PRICKLE2: variants seen among roughly 807,000 people sequenced by gnomAD.
The protein encoded by PRICKLE2 is prickle planar cell polarity protein 2.
A neutral mutation model predicts 81.4 loss-of-function variants in PRICKLE2; 21 were observed. That is an observed-to-expected ratio of 0.26 (90% CI 0.18 to 0.37). PRICKLE2 has a LOEUF of 0.37. Among genes scored for constraint, PRICKLE2 ranks in the 10% least tolerant of loss-of-function variants. PRICKLE2 has a pLI of 1.00. For missense variants in PRICKLE2, 940 were observed against 1,109.0 expected (o/e 0.85, Z 2.16); for synonymous variants, 456 against 421.5 (o/e 1.08, Z -1.00).
chr3:64,180,311 C>T (rs141871317), intron 2 of PRICKLE2, among the ~76,000 whole-genome samples: 16 of 152,212 alleles, frequency 1.1e-4, no homozygotes, highest in African/African-American at 3.4e-4. Flanking sequence ...ATTTATTTTG[C>T]GGTAAAATAT....
At chr3:64,248,060 A>G (rs1410083798) in intron 2 of PRICKLE2, among the ~76,000 whole-genome samples, 1 of 152,310 alleles carries the variant, frequency 6.6e-6, no homozygotes, top group East Asian at 1.9e-4. Context: ...CTGAAACTTC[A>G]CTCACTGAAA....
At chr3:64,220,991 A>G (rs2078943522) in intron 1 of PRICKLE2, among the ~76,000 whole-genome samples, 1 of 152,102 alleles carries the variant, frequency 6.6e-6, no homozygotes, top group South Asian at 2.1e-4. Context: ...AGTCATAAGG[A>G]GGGTTTTCGG....
chr3:64,111,760 G>A (rs529862005), intron 7 of PRICKLE2, among the ~76,000 whole-genome samples: 3 of 152,284 alleles, frequency 2.0e-5, no homozygotes, highest in African/African-American at 7.2e-5. Context: ...CTTTGGAGAG[G>A]AAGGAAGAGC....
intron 7 of PRICKLE2, among the ~76,000 whole-genome samples, chr3:64,137,972 G>C (rs1335511878): frequency 6.6e-6 from 1 of 152,058 alleles, no homozygotes. Flanking sequence ...AAACCCCTAC[G>C]TTAAAATCAC....
intron 2 of PRICKLE2, among the ~76,000 whole-genome samples, chr3:64,194,774 G>C (rs116347101): frequency 0.015 from 2,323 of 152,268 alleles, 53 homozygotes; most frequent in African/African-American, 0.051. Context: ...AATGTCTTCA[G>C]ACCAGGCGTG....
intron 2 of PRICKLE2, 153 bp from the exon 3 acceptor site, chr3:64,163,282 T>C (rs2077764332): frequency 1.4e-6 from 1 of 689,876 alleles, no homozygotes; most frequent in South Asian, 1.5e-5. Flanking sequence ...TTTCCTATGG[T>C]AAGCAGAGAA....
intron 2 of PRICKLE2, among the ~76,000 whole-genome samples, chr3:64,232,717 T>C (rs1024796819): frequency 6.6e-6 from 1 of 152,142 alleles, no homozygotes; most frequent in Non-Finnish European, 1.5e-5. Flanking sequence ...TTTTCCATGA[T>C]CTCAAGACCA....
chr3:64,245,540 C>T (rs1241382336), intron 2 of PRICKLE2, among the ~76,000 whole-genome samples: 2 of 152,168 alleles, frequency 1.3e-5, no homozygotes, highest in African/African-American at 4.8e-5. Context: ...AAAATGATAA[C>T]CTTGAAGAGG....
chr3:64,256,237 A>C (rs535584874), intron 2 of PRICKLE2, among the ~76,000 whole-genome samples: 1 of 152,336 alleles, frequency 6.6e-6, no homozygotes, highest in African/African-American at 2.4e-5. Context: ...AGGAGCTAAG[A>C]GTGATTTTTA....
chr3:64,144,731 T>C (rs972405580), intron 7 of PRICKLE2, among the ~76,000 whole-genome samples: 1 of 152,214 alleles, frequency 6.6e-6, no homozygotes, highest in Non-Finnish European at 1.5e-5. Context: ...TGGACCGACA[T>C]ATGGCCCTGC....
intron 7 of PRICKLE2, among the ~76,000 whole-genome samples, chr3:64,109,583 G>A (rs1284868674): frequency 2.0e-5 from 3 of 152,126 alleles, no homozygotes; most frequent in East Asian, 1.9e-4. Flanking sequence ...GCCAAGCCCT[G>A]GGGCAGGGGT....
chr3:64,236,940 C>T (rs145368926), intron 2 of PRICKLE2, among the ~76,000 whole-genome samples: 176 of 152,306 alleles, frequency 1.2e-3, no homozygotes, highest in African/African-American at 3.8e-3. Flanking sequence ...TATCATGCTG[C>T]GGTGATCTCT....
At chr3:64,111,132 C>G (rs1449583917) in intron 7 of PRICKLE2, among the ~76,000 whole-genome samples, 1 of 152,130 alleles carries the variant, frequency 6.6e-6, no homozygotes, top group East Asian at 1.9e-4. Flanking sequence ...CTTTTGTGCT[C>G]AGTTCCCTCA....
chr3:64,162,937 T>G (rs2077757912), intron 3 of PRICKLE2, 79 bp downstream of exon 3: 1 of 926,350 alleles, frequency 1.1e-6, no homozygotes, highest in Non-Finnish European at 1.8e-6. Context: ...GCTACCTCAT[T>G]GGTGGCAGAT....
chr3:64,258,846 A>AAGG (rs2079570517), intron 2 of PRICKLE2, among the ~76,000 whole-genome samples: 1 of 68,064 alleles, frequency 1.5e-5, no homozygotes, highest in African/African-American at 6.6e-5. Context: ...AAAAAAAAAA[A>AAGG]AAGAAAGAAA....
intron 2 of PRICKLE2, among the ~76,000 whole-genome samples, chr3:64,165,123 A>G (rs1247396954): frequency 6.6e-6 from 1 of 152,168 alleles, no homozygotes; most frequent in Non-Finnish European, 1.5e-5. Flanking sequence ...TTGAAAATGC[A>G]GAGTCTAGTT....
At chr3:64,102,372 C>T (rs909501875) in intron 7 of PRICKLE2, 1 of 152,294 alleles carries the variant, frequency 6.6e-6, no homozygotes, top group African/African-American at 2.4e-5. Context: ...TGCCTGACCT[C>T]TGCCTCCTGA....
Position 64,155,838 on chromosome 3 carries a change from ATAGAT to A in PRICKLE2, c.600+1319_600+1323del, listed in dbSNP as rs1393200303. 7.2e-5 allele frequency among the ~76,000 whole-genome samples: 11 copies of A among 152,346 alleles called. No homozygotes were observed. In the East Asian group the frequency reaches 1.2e-3, roughly 16 times the overall value. On this transcript the variant is annotated intron_variant, in intron 5 of 7. Coordinates refer to ENST00000638394, the MANE Select transcript of PRICKLE2 (RefSeq NM_198859.4). ...AACATGTAAATCCACAGAGACAGAA[ATAGAT>A]TAGAAGTTGCCAGGGGCTAGGGAAA...
chr3:64,106,639 G>A (rs939369360), intron 7 of PRICKLE2, among the ~76,000 whole-genome samples: 5 of 152,208 alleles, frequency 3.3e-5, no homozygotes, highest in African/African-American at 1.2e-4. Context: ...TGTCTGTGCT[G>A]AACACGACAC....
Sources: gnomAD v4.1 joint callset for allele counts (sites outside exome capture counted in the v4.1 genomes callset) on GRCh38, gnomAD v4.1.1 for gene constraint, MANE v1.5 for transcripts, NCBI Gene and HGNC (gene_info 2026-07-23, HGNC 2026-07-21) for gene names.